Variants in ACSF3 observed in about 807,000 individuals in gnomAD.
ACSF3 encodes the protein acyl-CoA synthetase family member 3, also known as malonate--CoA ligase ACSF3, mitochondrial.
Under a neutral mutation model 53.2 loss-of-function variants are expected in ACSF3, and 78 were observed. That is an observed-to-expected ratio of 1.47 (90% CI 1.22 to 1.77). The LOEUF is 1.77. Ranked by LOEUF, ACSF3 falls within the 40% of genes most tolerant of loss-of-function variation. The probability of loss-of-function intolerance (pLI) is 0.00; values close to 1 mark genes in which losing one functional copy is unlikely to be tolerated. For missense variants in ACSF3, 937 were observed against 771.1 expected, an observed-to-expected ratio of 1.22 and a Z score of -2.55; for synonymous variants, 414 against 333.1, an observed-to-expected ratio of 1.24 and a Z score of -2.65.
In ACSF3 at chr16:89,133,168, G is replaced by A. The variant is rs1909691599; in HGVS notation, c.1272G>A (p.Glu424=). ...VTPGFEEKEG[E]LLVRGPSVFR... is the part of the protein sequence containing the mutation. ...CAGGGTTTGAAGAAAAGGAGGGGGA[G>A]CTGCTGGTGAGGGGACCCTCCGTGT... Residue 424 remains glutamate, a synonymous_variant, in exon 8 of 11, where the codon GAG becomes GAA. Coordinates refer to ENST00000614302, the MANE Select transcript of ACSF3 (RefSeq NM_001243279.3). 6.2e-7 allele frequency: 1 copy of A among 1,613,946 alleles called. No homozygotes were observed. Among genetic ancestry groups the A allele is most frequent in the Non-Finnish European group, 8.5e-7 (1 of 1,180,022 alleles).
Position 89,101,169 on chromosome 16 carries a change from T to C in ACSF3, c.488T>C (p.Leu163Pro), listed in dbSNP as rs780292666. ...LELLSPVVRK[L>P]GVPLLPLTPA... is the part of the protein sequence containing the mutation. ...CTCCTGAGCCCGGTGGTCAGGAAGCTGGGGGTCCCGCTGCTGCCGCTCACA... is the reference window on the plus strand; with the variant it reads ...CTCCTGAGCCCGGTGGTCAGGAAGCCGGGGGTCCCGCTGCTGCCGCTCACA... The change falls in exon 3 of 11, where the codon CTG becomes CCG. Residue 163 changes from leucine to proline, a missense_variant. Transcript: ENST00000614302. The C allele has an allele frequency of 1.2e-6, 2 of 1,612,436 alleles. No individual in the cohort carries two copies. Among genetic ancestry groups the C allele is most frequent in the Non-Finnish European group, 1.7e-6 (2 of 1,179,440 alleles).
intron 5 of ACSF3, 21 bp from the exon 6 acceptor site, chr16:89,114,318 G>A (rs1276217016): frequency 6.2e-7 from 1 of 1,613,632 alleles, no homozygotes; most frequent in African/African-American, 1.3e-5. Context: ...GGCTAAACCT[G>A]CCTTTGGTTG....
At position 89,145,353 on chromosome 16, in the gene ACSF3, A is replaced by G; in HGVS notation, c.1453A>G (p.Ser485Gly). 1.2e-6 allele frequency: 2 copies of G among 1,614,176 alleles called. No individual in the cohort carries two copies. Among genetic ancestry groups the G allele is most frequent in the Non-Finnish European group, 1.7e-6 (2 of 1,180,014 alleles). ...CATCAAGACTGGAGGCTACAAGGTC[A>G]GCGCCCTGGAGGTGGAGTGGCACCT... ...DIIKTGGYKV[S>G]ALEVEWHLLA... Residue 485 changes from serine (S) to glycine (G), a missense_variant, in exon 9 of 11, where the codon AGC becomes GGC. By Grantham distance (56) the Ser-to-Gly change is moderately conservative (BLOSUM62 0). Coordinates refer to ENST00000614302, the MANE Select transcript of ACSF3 (RefSeq NM_001243279.3).
At chr16:89,132,108 C>A (rs928334054) in intron 7 of ACSF3, among the ~76,000 whole-genome samples, 6 of 152,288 alleles carry the variant, frequency 3.9e-5, no homozygotes, top group African/African-American at 1.2e-4. Flanking sequence ...GTTGGCCCCA[C>A]GGCGTTTGAG....
chr16:89,099,978 C>CA lies in ACSF3; in HGVS notation c.-20-668dup, dbSNP rs35740910. 2.3e-3 allele frequency among the ~76,000 whole-genome samples: 329 copies of CA among 142,370 alleles called. 6 individuals are homozygous for CA. Among genetic ancestry groups the CA allele is most frequent in the African/African-American group, 7.0e-3 (267 of 38,312 alleles). 93.4% of individuals were successfully genotyped at this position (142,370 alleles called of 152,430 possible). A position where few individuals can be genotyped will look rare whatever the true frequency, so the allele number is the denominator to read the frequency against. ...CAATACAGTGAGACCTTGTCTCTAC[C>CA]AAAAAAAAAAAAAAAAGCTGGGTGT... is the stretch of plus-strand genomic sequence containing the variant. On this transcript the variant is annotated intron_variant, in intron 2 of 10. Transcript: ENST00000614302.
At chr16:89,106,422 A>G (rs1452919966) in intron 4 of ACSF3, among the ~76,000 whole-genome samples, 5 of 151,834 alleles carry the variant, frequency 3.3e-5, no homozygotes, top group Non-Finnish European at 7.4e-5. Context: ...CCTCCTGAGT[A>G]GCTGGGATTA....
chr16:89,108,772 A>G (rs553227220), intron 4 of ACSF3, among the ~76,000 whole-genome samples: 3 of 152,296 alleles, frequency 2.0e-5, no homozygotes, highest in South Asian at 2.1e-4. Flanking sequence ...TTCCTCATCC[A>G]TTCACCATCT....
intron 10 of ACSF3, 39 bp downstream of exon 10, chr16:89,146,088 T>A (rs778302661): frequency 4.1e-6 from 6 of 1,474,704 alleles, no homozygotes; most frequent in Non-Finnish European, 5.7e-6. Context: ...ACTCATGGGG[T>A]CTTGGGGGTC....
intron 8 of ACSF3, among the ~76,000 whole-genome samples, chr16:89,142,106 C>T (rs1032122534): frequency 1.3e-5 from 2 of 152,134 alleles, no homozygotes; most frequent in African/African-American, 2.4e-5. Flanking sequence ...CCGCATGGCT[C>T]AGTGGAAACC....
In ACSF3 at chr16:89,155,439, A is replaced by G. The variant is rs1469800397; in HGVS notation, c.*1232A>G. The G allele has an allele frequency of 8.8e-6, 4 of 454,080 alleles. No individual in the cohort carries two copies. In the Admixed American group the frequency reaches 9.4e-5, roughly 11 times the overall value. The allele number at this position is 454,080 out of a possible 1,614,324, so 28.1% of individuals were successfully genotyped here. ...GTGGCCTGGGGCCCCTGCTCACTTGAGCATGTCGCCCACCAAGCTTGTCTG... is the reference window on the plus strand; with the variant it reads ...GTGGCCTGGGGCCCCTGCTCACTTGGGCATGTCGCCCACCAAGCTTGTCTG... On this transcript the variant is annotated 3_prime_UTR_variant, in exon 11 of 11. Transcript: ENST00000614302.
Position 89,155,224 on chromosome 16 carries a change from G to C in ACSF3, c.*1017G>C, listed in dbSNP as rs142870821. The C allele has an allele frequency of 3.3e-5, 15 of 454,162 alleles. No homozygotes were observed. Among genetic ancestry groups the C allele is most frequent in the Middle Eastern group, 1.4e-3 (2 of 1,444 alleles). The allele number at this position is 454,162 out of a possible 1,614,324, so 28.1% of individuals were successfully genotyped here. On this transcript the variant is annotated 3_prime_UTR_variant, in exon 11 of 11. Coordinates refer to ENST00000614302, the MANE Select transcript of ACSF3 (RefSeq NM_001243279.3). ...GCTGCCTCCTCCCCACAGCCTGGGG[G>C]AAGTAACAGTCATCGCCCAGCAGTG...
intron 3 of ACSF3, chr16:89,102,232 C>G: frequency 2.8e-6 from 1 of 362,138 alleles, no homozygotes; most frequent in Non-Finnish European, 5.4e-6. Flanking sequence ...GTCACCTGAG[C>G]CAGTGGTTGG....
chr16:89,136,961 G>T (rs773701514), intron 8 of ACSF3: 7 of 1,110,736 alleles, frequency 6.3e-6, no homozygotes, highest in Non-Finnish European at 7.0e-6. Flanking sequence ...CGGCCACAAT[G>T]ATCTCTGCAG....
Position 89,112,272 on chromosome 16 carries a change from G to A in ACSF3, c.977+26G>A, listed in dbSNP as rs372557511. 3.8e-4 allele frequency: 620 copies of A among 1,612,644 alleles called. 3 individuals are homozygous for A. Among genetic ancestry groups the A allele is most frequent in the Middle Eastern group, 5.0e-4 (3 of 6,060 alleles). On this transcript the variant is annotated intron_variant, in intron 5 of 10. Transcript: ENST00000614302. Reference sequence around the variant, plus strand: ...GTAAGTGAAAAGAGCCCACTTTCTCGTTCAGAAAGTCTTAAAGATCAACAG... The same window carrying A: ...GTAAGTGAAAAGAGCCCACTTTCTCATTCAGAAAGTCTTAAAGATCAACAG...
intron 6 of ACSF3, among the ~76,000 whole-genome samples, chr16:89,117,146 T>C (rs933229913): frequency 1.3e-5 from 2 of 152,208 alleles, no homozygotes; most frequent in African/African-American, 4.8e-5. Context: ...GTTCCGGACA[T>C]GTGAGCAGGA....
intron 4 of ACSF3, among the ~76,000 whole-genome samples, chr16:89,110,158 T>A (rs1313331136): frequency 6.6e-6 from 1 of 152,216 alleles, no homozygotes; most frequent in Admixed American, 6.5e-5. Flanking sequence ...ATAAATTCAT[T>A]TTATCAATTT....
intron 7 of ACSF3, among the ~76,000 whole-genome samples, chr16:89,121,149 C>T (rs879548168): frequency 2.4e-4 from 36 of 152,364 alleles, no homozygotes; most frequent in Admixed American, 2.0e-3. Context: ...GAGCCCAGGG[C>T]GGAACGCCAA....
chr16:89,124,477 C>T (rs927539741), intron 7 of ACSF3, among the ~76,000 whole-genome samples: 9 of 86,112 alleles, frequency 1.0e-4, no homozygotes, highest in Admixed American at 1.3e-4. Flanking sequence ...GTGTGATACC[C>T]GTGCACACAC....
At position 89,120,837 on chromosome 16, in the gene ACSF3, G is replaced by T. The variant is rs559765310; in HGVS notation, c.1163G>T (p.Arg388Leu). 5.4e-5 allele frequency: 87 copies of T among 1,614,086 alleles called. No individual in the cohort carries two copies. Among genetic ancestry groups the T allele is most frequent in the Non-Finnish European group, 6.8e-5 (80 of 1,179,984 alleles). The change falls in exon 7 of 11, where the codon CGC (arginine) becomes CTC (leucine). Residue 388 changes from arginine (R) to leucine (L), a missense_variant. Arg to Leu is a moderately radical substitution (Grantham distance 102, BLOSUM62 -2). Coordinates refer to ENST00000614302, the MANE Select transcript of ACSF3 (RefSeq NM_001243279.3). ...ACCCCACTGCCTGGAGTACAGGTGC[G>T]CATTGTCTCAGAAAACCCACAGAGG... ...VGTPLPGVQVRIVSENPQREA... is the reference protein window; with the variant it reads ...VGTPLPGVQVLIVSENPQREA...
Sources: allele counts gnomAD v4.1 joint callset (sites outside exome capture counted in the v4.1 genomes callset), GRCh38; gene constraint gnomAD v4.1.1; transcripts MANE v1.5; gene names NCBI Gene and HGNC (gene_info 2026-07-23, HGNC 2026-07-21).